The following IRAK1BP1 variants were observed in gnomAD, a reference collection of about 807,000 sequenced individuals.
The protein encoded by IRAK1BP1 is interleukin 1 receptor associated kinase 1 binding protein 1.
IRAK1BP1 carries 24 observed loss-of-function variants against 28.0 expected under a neutral mutation model. The observed-to-expected ratio is 0.86, with a 90% confidence interval of 0.62 to 1.20. The LOEUF (loss-of-function observed/expected upper bound fraction) is 1.20, where lower values mean the gene tolerates loss of function less well. IRAK1BP1 is among the 50% of genes most tolerant of loss of function. The probability of loss-of-function intolerance (pLI) is 0.00; values close to 1 mark genes in which losing one functional copy is unlikely to be tolerated. For missense variants in IRAK1BP1, 336 were observed against 316.7 expected (o/e 1.06, Z -0.46); for synonymous variants, 131 against 116.3 (o/e 1.13, Z -0.81).
At chr6:78,895,261 G>T (rs1771838441) in intron 2 of IRAK1BP1, among the ~76,000 whole-genome samples, 2 of 152,054 alleles carry the variant, frequency 1.3e-5, no homozygotes, top group Admixed American at 1.3e-4. Flanking sequence ...TGTCAAAGAA[G>T]AAATTGAAAA....
At chr6:78,874,692 A>G (rs745816932) in intron 1 of IRAK1BP1, among the ~76,000 whole-genome samples, 18 of 152,170 alleles carry the variant, frequency 1.2e-4, no homozygotes, top group Non-Finnish European at 2.5e-4. Context: ...TTCTATTTAT[A>G]TTTTGCATTC....
At chr6:78,978,528 G>C in the IRAK1BP1 span, 4 of 1,321,632 alleles carry the variant, frequency 3.0e-6, no homozygotes, top group African/African-American at 5.8e-5. Flanking sequence ...TCTATTTCAA[G>C]AGCTGTTAAA....
chr6:78,911,017 G>T (rs924517951), intron 4 of IRAK1BP1, among the ~76,000 whole-genome samples: 6 of 152,200 alleles, frequency 3.9e-5, no homozygotes, highest in Admixed American at 2.0e-4. Context: ...CCTAGGTCTT[G>T]ACACTTCCCT....
At chr6:78,893,310 G>GTATATATATATA (rs1562085762) in intron 2 of IRAK1BP1, among the ~76,000 whole-genome samples, 1 of 71,126 alleles carries the variant, frequency 1.4e-5, no homozygotes, top group African/African-American at 4.8e-5. Flanking sequence ...GTGTGTGTGT[G>GTATATATATATA]TGTGTATATA....
intron 1 of IRAK1BP1, among the ~76,000 whole-genome samples, chr6:78,875,353 C>T (rs1770959130): frequency 6.6e-6 from 1 of 152,132 alleles, no homozygotes; most frequent in Admixed American, 6.5e-5. Flanking sequence ...ATAAAATTAC[C>T]ATTTGACCTG....
downstream of IRAK1BP1, among the ~76,000 whole-genome samples, chr6:78,907,889 T>C (rs541989683): frequency 0.013 from 2,005 of 150,988 alleles, 31 homozygotes; most frequent in Non-Finnish European, 0.019. Flanking sequence ...CCAGCTAATT[T>C]TTGTGTTTTT....
the IRAK1BP1 span, among the ~76,000 whole-genome samples, chr6:78,968,621 G>C: frequency 7.9e-5 from 12 of 152,194 alleles, no homozygotes; most frequent in Non-Finnish European, 1.5e-4. Flanking sequence ...TAAAAAGTAT[G>C]TGTATTATAT....
intron 4 of IRAK1BP1, among the ~76,000 whole-genome samples, chr6:78,935,237 T>G (rs933149516): frequency 1.3e-5 from 2 of 152,260 alleles, no homozygotes; most frequent in East Asian, 3.9e-4. Flanking sequence ...ACTTAGAAAT[T>G]TATTATATAC....
intron 4 of IRAK1BP1, chr6:78,935,574 G>T (rs1217399478): frequency 1.0e-6 from 1 of 969,562 alleles, no homozygotes; most frequent in Admixed American, 6.2e-5. Flanking sequence ...CTTACGGTAA[G>T]AAATCAATAA....
chr6:78,954,627 G>A, the IRAK1BP1 span, among the ~76,000 whole-genome samples: 1 of 152,126 alleles, frequency 6.6e-6, no homozygotes, highest in African/African-American at 2.4e-5. Flanking sequence ...CTTCATTCAG[G>A]GCTCCTTCCA....
chr6:78,925,154 C>A (rs1412527973), intron 4 of IRAK1BP1, among the ~76,000 whole-genome samples: 1 of 151,796 alleles, frequency 6.6e-6, no homozygotes, highest in African/African-American at 2.4e-5. Flanking sequence ...GAACATCACA[C>A]ACCGGGGCCT....
At chr6:78,934,408 G>A (rs1197730265) in intron 4 of IRAK1BP1, among the ~76,000 whole-genome samples, 2 of 152,230 alleles carry the variant, frequency 1.3e-5, no homozygotes, top group South Asian at 2.1e-4. Flanking sequence ...ATAATGCAAA[G>A]CACAATAAAA....
At chr6:78,876,695 C>A (rs767202660) in intron 1 of IRAK1BP1, among the ~76,000 whole-genome samples, 3 of 152,142 alleles carry the variant, frequency 2.0e-5, no homozygotes, top group Non-Finnish European at 4.4e-5. Flanking sequence ...TGAAACTGTT[C>A]AAGTTTTAAA....
At chr6:78,952,163 T>A in the IRAK1BP1 span, among the ~76,000 whole-genome samples, 2 of 152,262 alleles carry the variant, frequency 1.3e-5, no homozygotes, top group African/African-American at 4.8e-5. Flanking sequence ...CTTATGCCTG[T>A]AATCCCAGCA....
At position 78,893,223 on chromosome 6, in the gene IRAK1BP1, G is replaced by A. The variant is rs140843699; in HGVS notation, c.382-4606G>A. 6.4e-4 allele frequency among the ~76,000 whole-genome samples: 96 copies of A among 150,230 alleles called. 1 individual carries two copies. In the South Asian group the frequency reaches 8.0e-3, roughly 13 times the overall value. ...TAAGACAACAGATTTCTTGTTGAAAGCAATGCAAGCAAGGAGACAGTTGTG... is the reference window on the plus strand; with the variant it reads ...TAAGACAACAGATTTCTTGTTGAAAACAATGCAAGCAAGGAGACAGTTGTG... On this transcript the variant is annotated intron_variant, in intron 2 of 3. Transcript: ENST00000369940.
chr6:78,905,245 A>G (rs1352260549), downstream of IRAK1BP1, among the ~76,000 whole-genome samples: 1 of 152,236 alleles, frequency 6.6e-6, no homozygotes, highest in African/African-American at 2.4e-5. Flanking sequence ...TTCATTGACC[A>G]ATATTAATTA....
intron 4 of IRAK1BP1, among the ~76,000 whole-genome samples, chr6:78,927,823 T>G (rs984330994): frequency 6.6e-6 from 1 of 152,182 alleles, no homozygotes; most frequent in Non-Finnish European, 1.5e-5. Context: ...CTTGCACGTT[T>G]GTCAAAAATG....
downstream of IRAK1BP1, among the ~76,000 whole-genome samples, chr6:78,904,481 C>A (rs563062042): frequency 6.6e-6 from 1 of 152,158 alleles, no homozygotes; most frequent in African/African-American, 2.4e-5. Context: ...AGTAAACTTA[C>A]AATTTTTAGT....
chr6:78,960,854 A>G, the IRAK1BP1 span, among the ~76,000 whole-genome samples: 2 of 152,164 alleles, frequency 1.3e-5, no homozygotes, highest in Non-Finnish European at 2.9e-5. Context: ...CACATTTTAT[A>G]TAGAAAAATA....
Sources: gnomAD v4.1 joint callset for allele counts (sites outside exome capture counted in the v4.1 genomes callset) on GRCh38, gnomAD v4.1.1 for gene constraint, MANE v1.5 for transcripts, NCBI Gene and HGNC (gene_info 2026-07-23, HGNC 2026-07-21) for gene names.